ASXL2: variants seen among roughly 807,000 people sequenced by gnomAD.
ASXL2 encodes the protein putative Polycomb group protein ASXL2.
Under a neutral mutation model 122.0 loss-of-function variants are expected in ASXL2, and 23 were observed. The observed-to-expected ratio is 0.19, with a 90% CI of 0.14 to 0.27. The LOEUF (loss-of-function observed/expected upper bound fraction) is 0.27, where lower values mean the gene tolerates loss of function less well. ASXL2 is among the 10% of genes least tolerant of loss of function. ASXL2 has a pLI of 1.00. For synonymous variants in ASXL2, 650 were observed against 637.0 expected, an observed-to-expected ratio of 1.02 and a Z score of -0.31; for missense variants, 1,518 against 1,713.8, an observed-to-expected ratio of 0.89 and a Z score of 2.02.
chr2:25,851,942 G>A (rs2089720467), intron 1 of ASXL2, among the ~76,000 whole-genome samples: 1 of 151,972 alleles, frequency 6.6e-6, no homozygotes, highest in South Asian at 2.1e-4. Flanking sequence ...AGAAGAATGT[G>A]CAGACACACT....
chr2:25,797,946 C>G (rs921578202), intron 5 of ASXL2, among the ~76,000 whole-genome samples: 1 of 152,192 alleles, frequency 6.6e-6, no homozygotes, highest in Non-Finnish European at 1.5e-5. Flanking sequence ...ATGTTTAAAG[C>G]AGCTTTATTC....
rs2090027457 is a variant in ASXL2, at chr2:25,878,286, C to T, written c.-64G>A. The T allele has an allele frequency of 6.5e-7, 1 of 1,541,354 alleles. No homozygotes were observed. The highest frequency in any genetic ancestry group is 8.9e-7 in the Non-Finnish European group (1 of 1,120,412). On this transcript the variant is annotated 5_prime_UTR_variant, in exon 1 of 13. Coordinates refer to ENST00000435504, the MANE Select transcript of ASXL2 (RefSeq NM_018263.6). ...GCTCCGGCCGCCCTCCCTGCCTGCT[C>T]TGCCCTGCGCTGCTTTTCCCGCGGT...
chr2:25,839,593 T>C (rs138502546), intron 2 of ASXL2, among the ~76,000 whole-genome samples: 36 of 151,542 alleles, frequency 2.4e-4, no homozygotes, highest in Middle Eastern at 3.4e-3. Flanking sequence ...TCTTCCCTAT[T>C]ACTCCTATGG....
chr2:25,803,904 G>C (rs1205679649), intron 4 of ASXL2, among the ~76,000 whole-genome samples: 2 of 152,158 alleles, frequency 1.3e-5, no homozygotes, highest in African/African-American at 4.8e-5. Context: ...GAATTGCTTG[G>C]TATGTGAGGA....
At chr2:25,854,042 G>C (rs2089749106) in intron 1 of ASXL2, among the ~76,000 whole-genome samples, 1 of 152,136 alleles carries the variant, frequency 6.6e-6, no homozygotes, top group Admixed American at 6.6e-5. Flanking sequence ...TATACAGAGA[G>C]GCACCTACAG....
Position 25,804,386 on chromosome 2 carries a change from C to T in ASXL2, c.252+1843G>A, listed in dbSNP as rs546073157. 4.9e-4 allele frequency among the ~76,000 whole-genome samples: 75 copies of T among 152,332 alleles called. No individual in the cohort carries two copies. In the Middle Eastern group the frequency reaches 0.024, roughly 48 times the overall value. ...CATCTACAACTGGCCAATCATTTGA[C>T]AAGTGTGATAATTCAGGTATACTCA... On this transcript the variant is annotated intron_variant, in intron 4 of 12. Coordinates refer to ENST00000435504, the MANE Select transcript of ASXL2 (RefSeq NM_018263.6).
At position 25,804,508 on chromosome 2, in the gene ASXL2, C is replaced by T. The variant is rs192281441; in HGVS notation, c.252+1721G>A. Among the ~76,000 whole-genome samples the T allele has an allele frequency of 3.6e-3, 551 of 152,296 alleles. 4 individuals are homozygous for T. Among genetic ancestry groups the T allele is most frequent in the Non-Finnish European group, 3.7e-3 (251 of 68,026 alleles). ...CTTCAGATTTACAGCTTGCAGAGTG[C>T]AGGTTGGGGCTGAAGTTATATATGA... On this transcript the variant is annotated intron_variant, in intron 4 of 12. Transcript: ENST00000435504.
intron 1 of ASXL2, among the ~76,000 whole-genome samples, chr2:25,867,325 A>C (rs981839817): frequency 6.6e-6 from 1 of 152,158 alleles, no homozygotes; most frequent in Non-Finnish European, 1.5e-5. Context: ...GAAAAGTAGA[A>C]GGCCAGGTGC....
chr2:25,821,133 C>T (rs757791019), intron 3 of ASXL2, among the ~76,000 whole-genome samples: 1 of 152,004 alleles, frequency 6.6e-6, no homozygotes, highest in Non-Finnish European at 1.5e-5. Context: ...GAGCCAAGAT[C>T]GCGCCACTGC....
At chr2:25,784,096 A>T (rs1046348225) in intron 5 of ASXL2, among the ~76,000 whole-genome samples, 4 of 137,192 alleles carry the variant, frequency 2.9e-5, no homozygotes, top group Admixed American at 2.2e-4. Flanking sequence ...TAAATAAATA[A>T]ATATAAAGTT....
At chr2:25,770,567 C>G (rs769925978) in intron 6 of ASXL2, among the ~76,000 whole-genome samples, 3 of 152,010 alleles carry the variant, frequency 2.0e-5, no homozygotes, top group Admixed American at 6.6e-5. Context: ...CCAGCCTGAC[C>G]AACGTGGTGA....
intron 2 of ASXL2, chr2:25,845,143 G>T: frequency 3.7e-6 from 1 of 270,770 alleles, no homozygotes; most frequent in East Asian, 9.4e-5. Flanking sequence ...CTCCCTGTAT[G>T]AGAGTAATTT....
chr2:25,878,296 C>T lies in ASXL2; in HGVS notation c.-74G>A. 6.6e-7 allele frequency: 1 copy of T among 1,515,408 alleles called. No homozygotes were observed. Among genetic ancestry groups the T allele is most frequent in the Non-Finnish European group, 9.1e-7 (1 of 1,099,286 alleles). 93.9% of individuals were successfully genotyped at this position (1,515,408 alleles called of 1,614,324 possible). A position where few individuals can be genotyped will look rare whatever the true frequency, so the allele number is the denominator to read the frequency against. The stretch of plus-strand genomic sequence containing the variant: ...CCCTCCCTGCCTGCTCTGCCCTGCG[C>T]TGCTTTTCCCGCGGTGCCGGGAAAG... On this transcript the variant is annotated 5_prime_UTR_variant, in exon 1 of 13. Coordinates refer to ENST00000435504, the MANE Select transcript of ASXL2 (RefSeq NM_018263.6).
intron 9 of ASXL2, among the ~76,000 whole-genome samples, chr2:25,757,921 C>A (rs1433274722): frequency 1.3e-3 from 169 of 127,220 alleles, no homozygotes; most frequent in East Asian, 5.3e-3. Context: ...GAGTCTTTAA[C>A]AAAAAAAAAA....
At position 25,743,083 on chromosome 2, in the gene ASXL2, G is replaced by T; in HGVS notation, c.3254C>A (p.Pro1085His). The T allele has an allele frequency of 6.2e-7, 1 of 1,614,002 alleles. No individual in the cohort carries two copies. Among genetic ancestry groups the T allele is most frequent in the Non-Finnish European group, 8.5e-7 (1 of 1,179,892 alleles). The change falls in exon 13 of 13, where the codon CCC becomes CAC. Residue 1085 changes from proline to histidine, a missense_variant. Pro to His is a moderately conservative substitution (Grantham distance 77). Coordinates refer to ENST00000435504, the MANE Select transcript of ASXL2 (RefSeq NM_018263.6). ...TGAGTGAGCGAAGTTGAACTGTGAG[G>T]GCGGCACAACTGAGAGAAGATTCTG... Reference protein sequence around the residue: ...RRQNLLSVVPPSQFNFAHSGF... With the variant: ...RRQNLLSVVPHSQFNFAHSGF...
At chr2:25,849,141 A>G (rs905541095) in intron 1 of ASXL2, among the ~76,000 whole-genome samples, 6 of 144,008 alleles carry the variant, frequency 4.2e-5, no homozygotes, top group African/African-American at 1.6e-4. Flanking sequence ...GGCATTTAGA[A>G]TTAGTTTTTT....
intron 7 of ASXL2, 120 bp from the exon 8 acceptor site, chr2:25,767,846 T>C (rs766561329): frequency 1.4e-4 from 165 of 1,162,036 alleles, no homozygotes; most frequent in Non-Finnish European, 1.9e-4. Flanking sequence ...CCCTCCCTAA[T>C]GTGTTTTGAG....
chr2:25,779,631 C>G (rs1213829526), intron 5 of ASXL2, among the ~76,000 whole-genome samples: 1 of 152,156 alleles, frequency 6.6e-6, no homozygotes, highest in East Asian at 1.9e-4. Context: ...CTCACAATAA[C>G]TTGTCTACGT....
intron 11 of ASXL2, among the ~76,000 whole-genome samples, chr2:25,752,253 C>T (rs1167194731): frequency 3.3e-5 from 5 of 152,120 alleles, no homozygotes; most frequent in African/African-American, 1.2e-4. Flanking sequence ...AGTAGGAGTC[C>T]AAGTGTTCAA....
Sources: gnomAD v4.1 joint callset for allele counts (sites outside exome capture counted in the v4.1 genomes callset) on GRCh38, gnomAD v4.1.1 for gene constraint, MANE v1.5 for transcripts, NCBI Gene and HGNC (gene_info 2026-07-23, HGNC 2026-07-21) for gene names.